FAM13B: variants seen among roughly 807,000 people sequenced by gnomAD.
FAM13B encodes the protein family with sequence similarity 13 member B.
FAM13B carries 60 observed loss-of-function variants against 117.3 expected under a neutral mutation model. The ratio of observed to expected loss-of-function variants is 0.51; its 90% CI spans 0.42 to 0.63. The LOEUF (loss-of-function observed/expected upper bound fraction) is 0.63. Among genes scored for constraint, FAM13B ranks in the 30% least tolerant of loss-of-function variants. FAM13B has a pLI of 0.00. For synonymous variants in FAM13B, 332 were observed against 356.1 expected (o/e 0.93, Z 0.76); for missense variants, 972 against 1,091.9 (o/e 0.89, Z 1.55).
chr5:138,047,491 C>A (rs1304840105), intron 1 of FAM13B, among the ~76,000 whole-genome samples: 1 of 97,458 alleles, frequency 1.0e-5, no homozygotes, highest in Non-Finnish European at 2.2e-5. Flanking sequence ...GGTGACAGAG[C>A]AAGACTCCAT....
intron 10 of FAM13B, among the ~76,000 whole-genome samples, chr5:137,968,263 G>A (rs1200866477): frequency 6.9e-6 from 1 of 144,292 alleles, no homozygotes; most frequent in Non-Finnish European, 1.5e-5. Context: ...CACAATGTAA[G>A]TTTCCACTAA....
At chr5:137,971,912 G>A (rs1772300314) in intron 10 of FAM13B, among the ~76,000 whole-genome samples, 1 of 152,102 alleles carries the variant, frequency 6.6e-6, no homozygotes, top group Non-Finnish European at 1.5e-5. Flanking sequence ...ACTAAACCAG[G>A]AAGAAGTTGA....
intron 1 of FAM13B, among the ~76,000 whole-genome samples, chr5:138,043,234 A>AG (rs1791548418): frequency 6.6e-6 from 1 of 151,968 alleles, no homozygotes; most frequent in Non-Finnish European, 1.5e-5. Context: ...CAGGCATGGT[A>AG]ACACACTTGT....
intron 7 of FAM13B, among the ~76,000 whole-genome samples, chr5:137,999,091 T>A (rs1003029472): frequency 2.0e-5 from 3 of 151,888 alleles, no homozygotes; most frequent in Non-Finnish European, 4.4e-5. Flanking sequence ...GATTTCTGAA[T>A]TGCCTTCAGG....
At chr5:138,051,049 C>T (rs1477472123) in intron 1 of FAM13B, among the ~76,000 whole-genome samples, 1 of 152,016 alleles carries the variant, frequency 6.6e-6, no homozygotes, top group Non-Finnish European at 1.5e-5. Flanking sequence ...AAGCAAAACT[C>T]TCACTTCACC....
At chr5:138,043,442 CTTTT>C (rs562460878) in intron 1 of FAM13B, among the ~76,000 whole-genome samples, 3 of 138,430 alleles carry the variant, frequency 2.2e-5, no homozygotes, top group African/African-American at 2.6e-5. Context: ...TTCTTTCTTT[CTTTT>C]TTTTTTTTTT....
intron 10 of FAM13B, among the ~76,000 whole-genome samples, chr5:137,981,443 T>C (rs1775722209): frequency 6.6e-6 from 1 of 151,714 alleles, no homozygotes; most frequent in African/African-American, 2.4e-5. Context: ...AGACCTTGTC[T>C]CTAAAAATAA....
chr5:137,985,493 TAAAGAA>T (rs1172283292), intron 9 of FAM13B, 104 bp from the exon 10 acceptor site: 5 of 1,135,516 alleles, frequency 4.4e-6, no homozygotes, highest in Non-Finnish European at 6.2e-6. Flanking sequence ...TTTTACTTGT[TAAAGAA>T]AATGTGTACC....
chr5:138,024,132 T>C (rs1561542426), intron 1 of FAM13B, among the ~76,000 whole-genome samples: 1 of 152,116 alleles, frequency 6.6e-6, no homozygotes. Context: ...GTGGGTTGAA[T>C]AGTGTCCCCC....
chr5:137,971,027 C>A (rs1263524486), intron 10 of FAM13B, among the ~76,000 whole-genome samples: 3 of 151,762 alleles, frequency 2.0e-5, no homozygotes, highest in African/African-American at 7.3e-5. Context: ...CTTTAACACC[C>A]CACTGTCAAC....
chr5:137,962,930 ACT>A (rs1297379190), intron 10 of FAM13B, among the ~76,000 whole-genome samples: 1 of 151,598 alleles, frequency 6.6e-6, no homozygotes, highest in African/African-American at 2.4e-5. Context: ...ACATGAGAAA[ACT>A]CTCCCATTTT....
rs1204293712 is a variant in FAM13B at position 137,943,007 on chromosome 5, G to A, written c.2456C>T (p.Ser819Phe). 6.2e-7 allele frequency: 1 copy of A among 1,613,410 alleles called. No homozygotes were observed. The highest frequency in any genetic ancestry group is 1.1e-5 in the South Asian group (1 of 90,970). ...EEEEDGVNLS[S>F]ELGDMLKTAV... ...AGTTTTCAACATATCACCTAACTCAGAGGACAGATTAACACCATCTTCTTC... is the reference window on the plus strand; with the variant it reads ...AGTTTTCAACATATCACCTAACTCAAAGGACAGATTAACACCATCTTCTTC... Residue 819 changes from serine (S) to phenylalanine (F), a missense_variant, in exon 22 of 24, where the codon TCT (serine) becomes TTT (phenylalanine). Ser to Phe is a radical substitution (Grantham distance 155). Transcript: ENST00000689681.
chr5:138,010,715 C>A (rs1488228476), intron 6 of FAM13B, among the ~76,000 whole-genome samples: 2 of 151,978 alleles, frequency 1.3e-5, no homozygotes, highest in Non-Finnish European at 2.9e-5. Flanking sequence ...CTGCAAAAAA[C>A]CAAAACACTG....
At chr5:137,981,077 A>ATTTTTTTTT (rs56799832) in intron 10 of FAM13B, among the ~76,000 whole-genome samples, 1 of 60,454 alleles carries the variant, frequency 1.7e-5, no homozygotes, top group African/African-American at 7.1e-5. Flanking sequence ...ACACCTGGCT[A>ATTTTTTTTT]TTTTTTTTTT....
At chr5:138,046,711 T>G (rs1791649347) in intron 1 of FAM13B, among the ~76,000 whole-genome samples, 2 of 152,206 alleles carry the variant, frequency 1.3e-5, no homozygotes, top group Admixed American at 1.3e-4. Flanking sequence ...GAGACATTAT[T>G]ACTATATCAG....
At chr5:138,010,182 T>C (rs1783619482) in intron 6 of FAM13B, among the ~76,000 whole-genome samples, 1 of 152,174 alleles carries the variant, frequency 6.6e-6, no homozygotes, top group Non-Finnish European at 1.5e-5. Context: ...TGTTTCACCA[T>C]GTTGGCCGGG....
Position 137,954,453 on chromosome 5 carries a change from T to C in FAM13B, c.1508-77A>G, listed in dbSNP as rs531028906. The C allele has an allele frequency of 2.1e-4, 229 of 1,089,866 alleles. 3 individuals are homozygous for C. In the Middle Eastern group the frequency reaches 2.3e-3, roughly 11 times the overall value. 67.5% of individuals were successfully genotyped at this position (1,089,866 alleles called of 1,614,324 possible). The stretch of plus-strand genomic sequence containing the variant: ...GAAAAAAGTCACAAAATATCAGCTA[T>C]GTGTTCCTTAAATCATATCATTATG... On this transcript the variant is annotated intron_variant, in intron 14 of 23. Transcript: ENST00000689681.
intron 6 of FAM13B, 27 bp from the exon 7 acceptor site, chr5:138,007,174 T>A: frequency 6.6e-7 from 1 of 1,519,926 alleles, no homozygotes; most frequent in Non-Finnish European, 8.9e-7. Flanking sequence ...AAATTCAGAA[T>A]TAAAATGTAA....
At chr5:137,944,298 G>A (rs879127724) in intron 20 of FAM13B, among the ~76,000 whole-genome samples, 1 of 151,752 alleles carries the variant, frequency 6.6e-6, no homozygotes, top group East Asian at 1.9e-4. Context: ...CCCATCACTA[G>A]GTATATATAT....
Sources: allele counts gnomAD v4.1 joint callset (sites outside exome capture counted in the v4.1 genomes callset), GRCh38; gene constraint gnomAD v4.1.1; transcripts MANE v1.5; gene names NCBI Gene and HGNC (gene_info 2026-07-23, HGNC 2026-07-21).